Variants in ARHGEF3 observed in about 807,000 individuals in gnomAD.
The protein encoded by ARHGEF3 is 59.8 kDA protein.
ARHGEF3 carries 28 observed loss-of-function variants against 63.2 expected under a neutral mutation model. The observed-to-expected ratio is 0.44, with a 90% CI of 0.33 to 0.61. The LOEUF (loss-of-function observed/expected upper bound fraction) is 0.61, where lower values mean the gene tolerates loss of function less well. ARHGEF3 is among the 20% of genes least tolerant of loss of function. The pLI, the probability that ARHGEF3 is intolerant of heterozygous loss-of-function variation, is 0.03. For missense variants in ARHGEF3, 533 were observed against 659.3 expected (o/e 0.81, Z 2.10); for synonymous variants, 266 against 254.2 (o/e 1.05, Z -0.44).
Position 56,773,753 on chromosome 3 carries a change from G to A in ARHGEF3, c.160C>T (p.Pro54Ser), listed in dbSNP as rs754603106. The change falls in exon 2 of 10, where the codon CCC (proline) becomes TCC (serine). Residue 54 changes from proline to serine, a missense_variant. This residue lies in a region of ARHGEF3 where 160 missense variants were observed against 157.3 expected (regional missense o/e 1.02). Coordinates refer to ENST00000296315, the MANE Select transcript of ARHGEF3 (RefSeq NM_019555.3). ...CGCTTTAATGGCGTGGCCTTCACGG[G>A]CGGGATGAGGTTTGCTAGCGACGTG... ...RVTSLANLIPPVKATPLKRFS... is the reference protein window; with the variant it reads ...RVTSLANLIPSVKATPLKRFS... 1.0e-5 allele frequency: 16 copies of A among 1,602,156 alleles called. No individual in the cohort carries two copies. Among genetic ancestry groups the A allele is most frequent in the Admixed American group, 1.8e-5 (1 of 57,058 alleles).
intron 2 of ARHGEF3, among the ~76,000 whole-genome samples, chr3:57,004,881 G>C (rs1408533594): frequency 1.3e-5 from 2 of 152,146 alleles, no homozygotes; most frequent in East Asian, 1.9e-4. Flanking sequence ...GATCACTTGA[G>C]CCCAGGAGTT....
intron 2 of ARHGEF3, among the ~76,000 whole-genome samples, chr3:57,024,526 C>T (rs914936782): frequency 7.2e-5 from 11 of 151,958 alleles, no homozygotes; most frequent in African/African-American, 2.4e-4. Context: ...CTCGCTCTGT[C>T]GCCCAGGCTG....
At chr3:56,996,055 C>T (rs889479105) in intron 2 of ARHGEF3, among the ~76,000 whole-genome samples, 2 of 152,128 alleles carry the variant, frequency 1.3e-5, no homozygotes, top group African/African-American at 2.4e-5. Context: ...TGACAGTGCC[C>T]TCCAAGCACA....
intron 4 of ARHGEF3, among the ~76,000 whole-genome samples, chr3:56,844,306 T>C (rs536815066): frequency 5.9e-5 from 9 of 152,338 alleles, no homozygotes; most frequent in Non-Finnish European, 8.8e-5. Flanking sequence ...AAATCCATCA[T>C]GGTGCCAGGA....
At position 56,945,204 on chromosome 3, in the gene ARHGEF3, G is replaced by A. The variant is rs1699419510; in HGVS notation, c.129+13619C>T. Reference sequence around the variant, plus strand: ...TCCCAGCATGAGTGATGCAGAAGACGGGTGATTTCTGCGTTTCCAACTGAG... The same window carrying A: ...TCCCAGCATGAGTGATGCAGAAGACAGGTGATTTCTGCGTTTCCAACTGAG... On this transcript the variant is annotated intron_variant, in intron 3 of 12. Transcript: ENST00000338458. Among the ~76,000 whole-genome samples the A allele has an allele frequency of 1.3e-5, 2 of 152,230 alleles. 1 individual carries two copies. Among genetic ancestry groups the A allele is most frequent in the African/African-American group, 4.8e-5 (2 of 41,540 alleles).
At chr3:56,952,356 A>G (rs1174659900) in intron 3 of ARHGEF3, among the ~76,000 whole-genome samples, 2 of 152,134 alleles carry the variant, frequency 1.3e-5, no homozygotes, top group Non-Finnish European at 1.5e-5. Flanking sequence ...CAACAGCCCA[A>G]ATGAACTTGG....
chr3:56,950,830 G>A (rs932764548), intron 3 of ARHGEF3, among the ~76,000 whole-genome samples: 41 of 151,942 alleles, frequency 2.7e-4, no homozygotes, highest in Non-Finnish European at 5.0e-4. Flanking sequence ...ACATGCACAC[G>A]TATGTTTATT....
At chr3:56,760,545 C>T (rs914810109) in intron 2 of ARHGEF3, among the ~76,000 whole-genome samples, 5 of 152,160 alleles carry the variant, frequency 3.3e-5, no homozygotes, top group South Asian at 2.1e-4. Context: ...CTTTTATGCG[C>T]TTTGCCTACA....
intron 1 of ARHGEF3, among the ~76,000 whole-genome samples, chr3:57,037,901 C>CAAAAA (rs71294717): frequency 0.15 from 22,541 of 151,904 alleles, 1,809 homozygotes; most frequent in Non-Finnish European, 0.17. Flanking sequence ...CAAAACAAAA[C>CAAAAA]AAAACCCATC....
In ARHGEF3 at chr3:57,054,763, G is replaced by A. The variant is rs530770745; in HGVS notation, c.-27-19587C>T. ...GACTCCCTGGTTCAAGGATTCTCCT[G>A]CCTTAGCCTCCCGAGTAGCTGGGAT... On this transcript the variant is annotated intron_variant, in intron 1 of 12. Coordinates refer to the ARHGEF3 transcript ENST00000338458. 6.7e-4 allele frequency among the ~76,000 whole-genome samples: 100 copies of A among 150,024 alleles called. 1 individual carries two copies. The South Asian group carries it at 0.02, about 30-fold the overall frequency.
At chr3:56,814,681 A>G (rs891788828) in intron 4 of ARHGEF3, among the ~76,000 whole-genome samples, 6 of 152,112 alleles carry the variant, frequency 3.9e-5, no homozygotes, top group African/African-American at 1.2e-4. Flanking sequence ...TTTTAAATGA[A>G]TTAAGGAAAA....
At chr3:57,069,736 C>A (rs533766326) in intron 1 of ARHGEF3, among the ~76,000 whole-genome samples, 2 of 152,132 alleles carry the variant, frequency 1.3e-5, no homozygotes, top group Non-Finnish European at 2.9e-5. Flanking sequence ...CGTCAAACAA[C>A]GGGGCTCAAG....
intron 2 of ARHGEF3, among the ~76,000 whole-genome samples, chr3:57,012,099 T>C (rs1434285819): frequency 2.0e-5 from 3 of 152,108 alleles, no homozygotes; most frequent in Non-Finnish European, 4.4e-5. Context: ...GAGTATGAAA[T>C]GGGGTCTACA....
At chr3:56,996,892 T>TATTTTA (rs202043317) in intron 2 of ARHGEF3, among the ~76,000 whole-genome samples, 1 of 122,524 alleles carries the variant, frequency 8.2e-6, no homozygotes, top group Non-Finnish European at 1.7e-5. Context: ...TTATTATTAT[T>TATTTTA]TTTTTTTTTT....
intron 3 of ARHGEF3, among the ~76,000 whole-genome samples, chr3:56,905,754 A>G (rs1466061816): frequency 6.6e-6 from 1 of 152,254 alleles, no homozygotes; most frequent in African/African-American, 2.4e-5. Context: ...CCAACATGGT[A>G]GGTGAGAAAT....
In ARHGEF3 at chr3:57,043,764, A is replaced by G. The variant is rs988017295; in HGVS notation, c.-27-8588T>C. The stretch of plus-strand genomic sequence containing the variant: ...GAGGAGGAGGGTGACAGAAAGTATA[A>G]GGAGGGCTGGGGCAGTGCAGTGTGT... On this transcript the variant is annotated intron_variant, in intron 1 of 12. Coordinates refer to the ARHGEF3 transcript ENST00000338458. Among the ~76,000 whole-genome samples the G allele has an allele frequency of 5.1e-4, 77 of 152,238 alleles. 1 individual carries two copies. The highest frequency in any genetic ancestry group is 1.9e-4 in the Non-Finnish European group (13 of 68,036).
At chr3:56,957,367 A>C (rs1419892860) in intron 3 of ARHGEF3, among the ~76,000 whole-genome samples, 1 of 152,256 alleles carries the variant, frequency 6.6e-6, no homozygotes, top group Non-Finnish European at 1.5e-5. Flanking sequence ...AAAAAGACTA[A>C]AGACCTGAAC....
At chr3:56,750,898 CTTAAA>C (rs1418151248) in intron 6 of ARHGEF3, among the ~76,000 whole-genome samples, 153 bp downstream of exon 6, 1 of 151,438 alleles carries the variant, frequency 6.6e-6, no homozygotes, top group Non-Finnish European at 1.5e-5. Flanking sequence ...AGATACAAAA[CTTAAA>C]TTTAATTAAA....
chr3:56,779,998 G>C (rs757629289), intron 1 of ARHGEF3, among the ~76,000 whole-genome samples: 17 of 152,218 alleles, frequency 1.1e-4, no homozygotes, highest in Non-Finnish European at 5.9e-5. Flanking sequence ...GGCATCTTCA[G>C]AACATCTTAT....
Sources: allele counts gnomAD v4.1 joint callset (sites outside exome capture counted in the v4.1 genomes callset), GRCh38; gene constraint gnomAD v4.1.1; regional missense constraint gnomAD v4.1.1; transcripts MANE v1.5; gene names NCBI Gene and HGNC (gene_info 2026-07-23, HGNC 2026-07-21).